The following ALDH1L2 variants were observed in gnomAD, a reference collection of about 807,000 sequenced individuals.
ALDH1L2 encodes the protein mitochondrial 10-formyltetrahydrofolate dehydrogenase.
ALDH1L2 carries 91 observed loss-of-function variants against 111.0 expected under a neutral mutation model. That is an observed-to-expected ratio of 0.82 (90% CI 0.69 to 0.98). ALDH1L2 has a LOEUF of 0.98. ALDH1L2 is among the 50% of genes least tolerant of loss of function. ALDH1L2 has a pLI of 0.00. For synonymous variants in ALDH1L2, 374 were observed against 392.6 expected, an observed-to-expected ratio of 0.95 and a Z score of 0.56; for missense variants, 995 against 1,126.8, an observed-to-expected ratio of 0.88 and a Z score of 1.67.
intron 10 of ALDH1L2, among the ~76,000 whole-genome samples, chr12:105,054,510 A>G (rs10861328): frequency 0.39 from 59,556 of 152,140 alleles, 12,926 homozygotes; most frequent in Middle Eastern, 0.61. Flanking sequence ...AAGCTCTGCA[A>G]TAGCCTTGAA....
chr12:105,061,538 TC>T (rs1372757078), intron 8 of ALDH1L2, 88 bp downstream of exon 8: 12 of 1,537,282 alleles, frequency 7.8e-6, no homozygotes, highest in African/African-American at 1.4e-5. Context: ...AAAGTTCTGA[TC>T]CCACTACTTT....
chr12:105,058,565 CACTTTCCTA>C (rs1876781601), intron 9 of ALDH1L2, among the ~76,000 whole-genome samples: 1 of 152,190 alleles, frequency 6.6e-6, no homozygotes, highest in Non-Finnish European at 1.5e-5. Context: ...GAAACAAAGA[CACTTTCCTA>C]ACTGTAAAGA....
intron 21 of ALDH1L2, among the ~76,000 whole-genome samples, chr12:105,027,431 G>A (rs894968158): frequency 2.6e-5 from 4 of 152,028 alleles, no homozygotes; most frequent in African/African-American, 9.7e-5. Flanking sequence ...TGCACATAAG[G>A]TTCAAGCCTC....
chr12:105,071,793 A>G (rs1236016027), intron 2 of ALDH1L2, among the ~76,000 whole-genome samples: 1 of 149,876 alleles, frequency 6.7e-6, no homozygotes, highest in Admixed American at 6.7e-5. Context: ...AGTAGTATAT[A>G]TTTAAAAAAT....
intron 18 of ALDH1L2, among the ~76,000 whole-genome samples, chr12:105,037,446 A>G (rs1459142181): frequency 6.6e-6 from 1 of 152,206 alleles, no homozygotes; most frequent in Non-Finnish European, 1.5e-5. Flanking sequence ...CAGAAGCTCA[A>G]TGTGCAAAAC....
chr12:105,043,392 T>C (rs1467141660), intron 15 of ALDH1L2, among the ~76,000 whole-genome samples: 1 of 152,204 alleles, frequency 6.6e-6, no homozygotes, highest in East Asian at 1.9e-4. Context: ...GGCCACCACT[T>C]TTCCTCCTTC....
chr12:105,063,479 G>GA (rs138765070), intron 6 of ALDH1L2, among the ~76,000 whole-genome samples: 57,755 of 143,520 alleles, frequency 0.4, 12,303 homozygotes, highest in Middle Eastern at 0.63. Context: ...CTGTCTCAAA[G>GA]AAAAAAAAAA....
intron 13 of ALDH1L2, chr12:105,048,292 A>G (rs181417176): frequency 2.0e-5 from 3 of 152,198 alleles, no homozygotes; most frequent in African/African-American, 4.8e-5. Context: ...CTTTAACAAC[A>G]TCGGCTGATA....
rs762294812 is a variant in ALDH1L2 at position 105,068,749 on chromosome 12, C to T, written c.564G>A (p.Arg188=). The change falls in exon 4 of 23, where the codon CGG becomes CGA. Residue 188 remains arginine (R), a synonymous_variant. Transcript: ENST00000258494. The part of the protein sequence containing the change: ...PNDTVDALYN[R]FLFPEGIKAM... ...CCTTGATTCCTTCAGGAAAAAGAAA[C>T]CGATTATAAAGTGCATCCACTGTAT... 2 of 1,557,550 alleles carry T rather than the reference C, an allele frequency of 1.3e-6. No individual in the cohort carries two copies. Among genetic ancestry groups the T allele is most frequent in the South Asian group, 1.3e-5 (1 of 79,684 alleles).
At chr12:105,030,229 T>C (rs1874625684) in intron 21 of ALDH1L2, 95 bp downstream of exon 21, 1 of 702,632 alleles carries the variant, frequency 1.4e-6, no homozygotes, top group Admixed American at 3.4e-5. Context: ...AATTACATGT[T>C]CATTAATCTT....
In ALDH1L2 at chr12:105,022,051, A is replaced by G. The variant is rs958375999; in HGVS notation, c.*2373T>C. ...GCTTCATCCTTAGCATTATTAGCAA[A>G]ATAATCCGTGATCTAAAGCAACAGC... On this transcript the variant is annotated 3_prime_UTR_variant, in exon 23 of 23. Transcript: ENST00000258494. 6.6e-6 allele frequency: 1 copy of G among 152,184 alleles called. No homozygotes were observed. The highest frequency in any genetic ancestry group is 1.5e-5 in the Non-Finnish European group (1 of 68,016). 9.4% of individuals were successfully genotyped at this position (152,184 alleles called of 1,614,324 possible). A position where few individuals can be genotyped will look rare whatever the true frequency, so the allele number is the denominator to read the frequency against.
In ALDH1L2 at chr12:105,061,699, C is replaced by G. The variant is rs1433275507; in HGVS notation, c.975G>C (p.Gln325His). 1 of 1,614,140 alleles carries G rather than the reference C, an allele frequency of 6.2e-7. No homozygotes were observed. The change falls in exon 8 of 23, where the codon CAG becomes CAC. Residue 325 changes from glutamine to histidine, a missense_variant. Transcript: ENST00000258494. Reference protein sequence around the residue: ...FEDGKMIPASQYFSTGETSVV... With the variant: ...FEDGKMIPASHYFSTGETSVV... ...CTGACGTCTCACCCGTTGAAAAGTA[C>G]TGAGAGGCAGGGATCATTTTTCCAT... is the stretch of plus-strand genomic sequence containing the variant.
chr12:105,065,010 C>T (rs560397328), intron 6 of ALDH1L2, among the ~76,000 whole-genome samples: 1 of 152,272 alleles, frequency 6.6e-6, no homozygotes, highest in African/African-American at 2.4e-5. Flanking sequence ...TCCATGATAG[C>T]GTTTATCTTA....
rs1874720169 is a variant in ALDH1L2, at chr12:105,031,887, GGATCTGT to G, written c.2285_2291del (p.Asp762AlafsTer24). 2 of 1,614,032 alleles carry G rather than the reference GGATCTGT, an allele frequency of 1.2e-6. No homozygotes were observed. Among genetic ancestry groups the G allele is most frequent in the African/African-American group, 2.7e-5 (2 of 74,998 alleles). ...TATGATTTTGGGGCCCATGATCAGT[GGATCTGT>G]CAAGTGGATCACCAATTTTCATCTT... is the stretch of plus-strand genomic sequence containing the variant. On this transcript the variant is annotated frameshift_variant, in exon 20 of 23. Transcript: ENST00000258494. LOFTEE classifies it high-confidence loss of function.
At position 105,075,391 on chromosome 12, in the gene ALDH1L2, C is replaced by T. The variant is rs1441525519; in HGVS notation, c.49-1386G>A. ...CCTGAGGTCGGGAGTTCAAGACCAG[C>T]CTGACCAACATGGAGAAACCCTGTC... On this transcript the variant is annotated intron_variant, in intron 1 of 22. Transcript: ENST00000258494. 5.3e-5 allele frequency among the ~76,000 whole-genome samples: 8 copies of T among 152,282 alleles called. No individual in the cohort carries two copies. The South Asian group carries it at 6.2e-4, about 12-fold the overall frequency.
chr12:105,051,739 T>G (rs1876276119), intron 12 of ALDH1L2, among the ~76,000 whole-genome samples: 1 of 152,182 alleles, frequency 6.6e-6, no homozygotes, highest in African/African-American at 2.4e-5. Flanking sequence ...CTTGGCAATG[T>G]TAGCCAATAT....
chr12:105,063,401 G>A (rs893576128), intron 6 of ALDH1L2, among the ~76,000 whole-genome samples: 2 of 152,012 alleles, frequency 1.3e-5, no homozygotes, highest in Non-Finnish European at 2.9e-5. Context: ...GCGTGAACCC[G>A]GGAGGCGGAG....
At chr12:105,070,224 A>C (rs1877596103) in intron 3 of ALDH1L2, among the ~76,000 whole-genome samples, 2 of 152,238 alleles carry the variant, frequency 1.3e-5, no homozygotes, top group Admixed American at 1.3e-4. Flanking sequence ...CTAGTACTCC[A>C]TAGGCTATTC....
At chr12:105,074,557 G>A (rs975081582) in intron 1 of ALDH1L2, among the ~76,000 whole-genome samples, 3 of 151,584 alleles carry the variant, frequency 2.0e-5, no homozygotes, top group South Asian at 2.1e-4. Context: ...TCTTGGCAGT[G>A]CCTCCGCAGA....
Sources: gnomAD v4.1 joint callset for allele counts (sites outside exome capture counted in the v4.1 genomes callset) on GRCh38, gnomAD v4.1.1 for gene constraint, MANE v1.5 for transcripts, NCBI Gene and HGNC (gene_info 2026-07-23, HGNC 2026-07-21) for gene names.